L3MBTL4: variants seen among roughly 807,000 people sequenced by gnomAD.
L3MBTL4 encodes L3MBTL histone methyl-lysine binding protein 4, also known as lethal(3)malignant brain tumor-like protein 4.
In L3MBTL4, 70 loss-of-function variants were observed where a neutral mutation model predicts 84.5. The observed-to-expected ratio is 0.83, with a 90% CI of 0.68 to 1.01. The LOEUF is 1.01. Ranked by LOEUF, L3MBTL4 falls within the 50% of genes least tolerant of loss-of-function variation. L3MBTL4 has a pLI of 0.00. For synonymous variants in L3MBTL4, 274 were observed against 259.8 expected (o/e 1.05, Z -0.52); for missense variants, 715 against 754.8 (o/e 0.95, Z 0.62).
chr18:6,293,428 C>G (rs1452577358), intron 4 of L3MBTL4, among the ~76,000 whole-genome samples: 4 of 151,930 alleles, frequency 2.6e-5, no homozygotes, highest in African/African-American at 9.7e-5. Context: ...GAAGGGGACT[C>G]ACTGGCCAAA....
chr18:6,395,486 A>G (rs1280402076), intron 1 of L3MBTL4: 1 of 152,190 alleles, frequency 6.6e-6, no homozygotes, highest in Non-Finnish European at 1.5e-5. Context: ...TTTCTCTTTT[A>G]TTTTAAAAGT....
At chr18:5,978,137 C>A (rs2053036400) in intron 16 of L3MBTL4, among the ~76,000 whole-genome samples, 1 of 152,180 alleles carries the variant, frequency 6.6e-6, no homozygotes, top group Non-Finnish European at 1.5e-5. Context: ...TTATTCTGCA[C>A]CAGTGAAAAC....
At chr18:6,156,471 G>A (rs1195681717) in intron 13 of L3MBTL4, among the ~76,000 whole-genome samples, 1 of 152,138 alleles carries the variant, frequency 6.6e-6, no homozygotes, top group African/African-American at 2.4e-5. Flanking sequence ...CATTAACCAG[G>A]TATTGTAGGG....
intron 10 of L3MBTL4, among the ~76,000 whole-genome samples, chr18:6,229,316 G>C (rs1599244948): frequency 6.6e-6 from 1 of 152,182 alleles, no homozygotes; most frequent in Admixed American, 6.5e-5. Flanking sequence ...TTTTTAAATT[G>C]TGGTTGTTTG....
intron 5 of L3MBTL4, among the ~76,000 whole-genome samples, chr18:6,253,387 G>T (rs1347670915): frequency 6.6e-6 from 1 of 152,188 alleles, no homozygotes. Context: ...ATTACATTTA[G>T]AAAGTTGCAA....
At chr18:6,103,678 T>C (rs1321679111) in intron 14 of L3MBTL4, among the ~76,000 whole-genome samples, 3 of 152,234 alleles carry the variant, frequency 2.0e-5, no homozygotes, top group Admixed American at 6.5e-5. Flanking sequence ...GTTTCCTGAA[T>C]ATGCATGAGA....
intron 3 of L3MBTL4, 113 bp downstream of exon 3, chr18:6,311,441 G>A (rs765112269): frequency 3.0e-5 from 24 of 801,138 alleles, no homozygotes; most frequent in Non-Finnish European, 3.6e-5. Flanking sequence ...AAGCCACATC[G>A]TTTCAAGTGA....
intron 12 of L3MBTL4, among the ~76,000 whole-genome samples, chr18:6,188,263 A>C (rs1287448670): frequency 6.6e-6 from 1 of 151,284 alleles, no homozygotes; most frequent in Non-Finnish European, 1.5e-5. Context: ...TTAACCACAT[A>C]TTTTTACAAG....
chr18:6,119,954 G>T (rs950041279), intron 14 of L3MBTL4, among the ~76,000 whole-genome samples: 17 of 152,150 alleles, frequency 1.1e-4, no homozygotes, highest in Non-Finnish European at 1.5e-5. Flanking sequence ...GAAAAGCGAG[G>T]TCTCCTAATT....
chr18:6,313,756 T>C (rs549681019), intron 1 of L3MBTL4, among the ~76,000 whole-genome samples: 1 of 152,308 alleles, frequency 6.6e-6, no homozygotes, highest in East Asian at 1.9e-4. Flanking sequence ...TGATAATCCC[T>C]GCAATTATCT....
chr18:6,384,916 C>T (rs1254087222), intron 1 of L3MBTL4, among the ~76,000 whole-genome samples: 2 of 152,022 alleles, frequency 1.3e-5, no homozygotes, highest in Non-Finnish European at 1.5e-5. Flanking sequence ...TAGAGACATA[C>T]CTAGAGACAG....
intron 16 of L3MBTL4, among the ~76,000 whole-genome samples, chr18:5,990,805 GA>G (rs2053662619): frequency 1.3e-4 from 19 of 149,794 alleles, no homozygotes; most frequent in Admixed American, 1.0e-3. Flanking sequence ...GTGTGTGTGT[GA>G]TGGGCTACTC....
At chr18:5,997,722 C>T (rs1023613697) in intron 16 of L3MBTL4, among the ~76,000 whole-genome samples, 1 of 152,088 alleles carries the variant, frequency 6.6e-6, no homozygotes, top group African/African-American at 2.4e-5. Context: ...CCCTGATCAC[C>T]TTGGGCACAT....
chr18:5,957,331 T>A (rs1025025713), intron 18 of L3MBTL4, among the ~76,000 whole-genome samples: 1 of 152,052 alleles, frequency 6.6e-6, no homozygotes, highest in African/African-American at 2.4e-5. Flanking sequence ...TATATGTATA[T>A]CAAATCATCA....
chr18:6,379,137 G>T (rs1281338770), intron 1 of L3MBTL4, among the ~76,000 whole-genome samples: 1 of 152,078 alleles, frequency 6.6e-6, no homozygotes, highest in African/African-American at 2.4e-5. Context: ...TTGTTGTATA[G>T]GAATGCTTGT....
chr18:6,389,455 A>G (rs2054955959), intron 1 of L3MBTL4, among the ~76,000 whole-genome samples: 1 of 152,240 alleles, frequency 6.6e-6, no homozygotes, highest in East Asian at 1.9e-4. Context: ...TCTCAATATT[A>G]ACAAGGAACA....
intron 10 of L3MBTL4, among the ~76,000 whole-genome samples, chr18:6,233,913 ACT>A (rs1273763026): frequency 6.6e-6 from 1 of 152,188 alleles, no homozygotes; most frequent in African/African-American, 2.4e-5. Flanking sequence ...CTGACTTCAA[ACT>A]ATACTACAAG....
intron 13 of L3MBTL4, among the ~76,000 whole-genome samples, chr18:6,165,489 G>C (rs1239721441): frequency 6.6e-6 from 1 of 152,204 alleles, no homozygotes; most frequent in Non-Finnish European, 1.5e-5. Flanking sequence ...TCTCTCGGCA[G>C]AAATTCTACA....
chr18:6,322,199 T>TA (rs200474202), intron 1 of L3MBTL4, among the ~76,000 whole-genome samples: 9 of 150,408 alleles, frequency 6.0e-5, no homozygotes, highest in Admixed American at 3.3e-4. Flanking sequence ...TATACAAATT[T>TA]AAAAAAAAAT....
Sources: allele counts gnomAD v4.1 joint callset (sites outside exome capture counted in the v4.1 genomes callset), GRCh38; gene constraint gnomAD v4.1.1; transcripts MANE v1.5; gene names NCBI Gene and HGNC (gene_info 2026-07-23, HGNC 2026-07-21).